The following MAPRE2 variants were observed in gnomAD, a reference collection of about 807,000 sequenced individuals.
The protein encoded by MAPRE2 is microtubule associated protein RP/EB family member 2.
Under a neutral mutation model 43.2 loss-of-function variants are expected in MAPRE2, and 13 were observed. The observed-to-expected ratio is 0.30, with a 90% CI of 0.20 to 0.48. The LOEUF (loss-of-function observed/expected upper bound fraction) is 0.48. MAPRE2 is among the 20% of genes least tolerant of loss of function. MAPRE2 has a pLI of 0.99. For synonymous variants in MAPRE2, 135 were observed against 148.8 expected, an observed-to-expected ratio of 0.91 and a Z score of 0.68; for missense variants, 161 against 400.2, an observed-to-expected ratio of 0.40 and a Z score of 5.10.
chr18:34,989,477 A>G (rs1485508664), intron 1 of MAPRE2, among the ~76,000 whole-genome samples: 4 of 152,208 alleles, frequency 2.6e-5, no homozygotes, highest in African/African-American at 9.6e-5. Context: ...TGGGAGGCTC[A>G]GGCAAGAGGA....
rs772334901 is a variant in MAPRE2 at position 35,097,433 on chromosome 18, T to G, written c.251-13T>G. The stretch of plus-strand genomic sequence containing the variant: ...GTGAGACTCACTCCAGTACTGTTCT[T>G]GTTTCTTTCCAGGAGCGGCCTATTG... On this transcript the variant is annotated splice_polypyrimidine_tract_variant and intron_variant, in intron 2 of 6. Transcript: ENST00000300249. 6.2e-7 allele frequency: 1 copy of G among 1,613,002 alleles called. No individual in the cohort carries two copies.
intron 2 of MAPRE2, among the ~76,000 whole-genome samples, chr18:35,080,814 GTT>G (rs397858068): frequency 2.5e-5 from 2 of 80,246 alleles, no homozygotes; most frequent in South Asian, 4.5e-4. Flanking sequence ...TTCAGATTGC[GTT>G]TTTTTTTTTC....
intron 2 of MAPRE2, among the ~76,000 whole-genome samples, chr18:35,017,492 T>C (rs560480253): frequency 7.7e-4 from 117 of 152,062 alleles, no homozygotes; most frequent in Non-Finnish European, 1.3e-3. Context: ...AGCAGTGTTT[T>C]GTAGTACTCC....
At chr18:35,043,071 G>T (rs1016019602) in intron 1 of MAPRE2, among the ~76,000 whole-genome samples, 6 of 152,152 alleles carry the variant, frequency 3.9e-5, no homozygotes, top group Non-Finnish European at 7.4e-5. Context: ...CATTCTTACA[G>T]ATTTCAAGTG....
At chr18:35,122,866 C>CT (rs905024644) in intron 4 of MAPRE2, among the ~76,000 whole-genome samples, 1 of 152,224 alleles carries the variant, frequency 6.6e-6, no homozygotes, top group African/African-American at 2.4e-5. Context: ...TGAACCACAG[C>CT]TTGGTGAGTC....
chr18:35,016,507 G>A (rs1268812200), intron 2 of MAPRE2, among the ~76,000 whole-genome samples: 1 of 151,994 alleles, frequency 6.6e-6, no homozygotes, highest in Non-Finnish European at 1.5e-5. Context: ...TATTTTGATT[G>A]GTGTGAGATG....
At chr18:35,128,652 T>C (rs1327506851) in intron 5 of MAPRE2, among the ~76,000 whole-genome samples, 1 of 152,192 alleles carries the variant, frequency 6.6e-6, no homozygotes, top group Non-Finnish European at 1.5e-5. Context: ...TCAGCATCCA[T>C]GGGTTTTCAT....
rs184869425 is a variant in MAPRE2, at chr18:35,124,566, G to C, written c.611-2382G>C. 7.3e-4 allele frequency among the ~76,000 whole-genome samples: 111 copies of C among 152,302 alleles called. No homozygotes were observed. The South Asian group carries it at 0.02, about 28-fold the overall frequency. On this transcript the variant is annotated intron_variant, in intron 4 of 6. Coordinates refer to ENST00000300249, the MANE Select transcript of MAPRE2 (RefSeq NM_014268.4). Reference sequence around the variant, plus strand: ...GAGACTGAGCTAGAGAACAAAGACTGCATCTTAGGCATTTTTAGGGGCCTC... The same window carrying C: ...GAGACTGAGCTAGAGAACAAAGACTCCATCTTAGGCATTTTTAGGGGCCTC...
At chr18:35,113,651 G>C (rs1909281401) in intron 4 of MAPRE2, among the ~76,000 whole-genome samples, 1 of 152,148 alleles carries the variant, frequency 6.6e-6, no homozygotes, top group Admixed American at 6.5e-5. Context: ...CCAGCTCTTT[G>C]GGAGGCCAAG....
intron 3 of MAPRE2, among the ~76,000 whole-genome samples, chr18:35,101,592 C>G (rs1018181044): frequency 1.2e-4 from 18 of 152,118 alleles, no homozygotes; most frequent in Admixed American, 1.2e-3. Context: ...CCTATGAATT[C>G]GCTTGTTTTG....
At chr18:35,026,137 G>A (rs538539532) in intron 2 of MAPRE2, among the ~76,000 whole-genome samples, 12 of 152,288 alleles carry the variant, frequency 7.9e-5, no homozygotes, top group Non-Finnish European at 1.3e-4. Context: ...AGAGGAAGGA[G>A]CGTGTCTGAA....
intron 2 of MAPRE2, among the ~76,000 whole-genome samples, chr18:35,009,802 C>T (rs1354766009): frequency 6.6e-6 from 1 of 152,182 alleles, no homozygotes; most frequent in Non-Finnish European, 1.5e-5. Context: ...GAAGGAACCT[C>T]ACTGATAATC....
chr18:35,010,269 G>A (rs553235397), intron 2 of MAPRE2, among the ~76,000 whole-genome samples: 1 of 152,150 alleles, frequency 6.6e-6, no homozygotes, highest in Non-Finnish European at 1.5e-5. Flanking sequence ...TAGCCAGTGT[G>A]GTGGCCCATG....
intron 4 of MAPRE2, among the ~76,000 whole-genome samples, chr18:35,114,593 A>G (rs1038716082): frequency 6.6e-6 from 1 of 152,154 alleles, no homozygotes; most frequent in African/African-American, 2.4e-5. Flanking sequence ...CTTCAAGTCA[A>G]TTAGCTCTCC....
chr18:35,083,106 T>C (rs1472717348), intron 2 of MAPRE2, among the ~76,000 whole-genome samples: 2 of 152,208 alleles, frequency 1.3e-5, no homozygotes, highest in Non-Finnish European at 2.9e-5. Context: ...CTACAAAAAT[T>C]AGATAAGATC....
intron 2 of MAPRE2, among the ~76,000 whole-genome samples, chr18:35,082,667 C>A (rs924395286): frequency 2.6e-5 from 4 of 152,050 alleles, no homozygotes; most frequent in African/African-American, 9.7e-5. Flanking sequence ...TTTACAAAGC[C>A]TTACGCTCAT....
At position 35,098,445 on chromosome 18, in the gene MAPRE2, G is replaced by A. The variant is rs554464393; in HGVS notation, c.396+854G>A. On this transcript the variant is annotated intron_variant, in intron 3 of 6. Coordinates refer to ENST00000300249, the MANE Select transcript of MAPRE2 (RefSeq NM_014268.4). ...TATAAAAGACAGAGATTAAAGGAAA[G>A]TTTGATAAACTATGTATTTTGTAAG... Among the ~76,000 whole-genome samples, 328 of 152,282 alleles carry A rather than the reference G, an allele frequency of 2.2e-3. 2 individuals carry two copies. Among genetic ancestry groups the A allele is most frequent in the South Asian group, 0.011 (53 of 4,814 alleles).
intron 2 of MAPRE2, among the ~76,000 whole-genome samples, chr18:35,035,806 G>T (rs113073621): frequency 1.3e-4 from 19 of 143,726 alleles, no homozygotes; most frequent in African/African-American, 4.4e-4. Context: ...CTTTTTGCAG[G>T]TTTCTCTTTT....
chr18:35,000,365 C>T (rs993297814), intron 1 of MAPRE2, among the ~76,000 whole-genome samples: 2 of 152,144 alleles, frequency 1.3e-5, no homozygotes, highest in South Asian at 2.1e-4. Context: ...AATCTTCTTT[C>T]GATGGCATGG....
Sources: gnomAD v4.1 joint callset for allele counts (sites outside exome capture counted in the v4.1 genomes callset) on GRCh38, gnomAD v4.1.1 for gene constraint, MANE v1.5 for transcripts, NCBI Gene and HGNC (gene_info 2026-07-23, HGNC 2026-07-21) for gene names.